RPS24: variants seen among roughly 807,000 people sequenced by gnomAD.
RPS24 encodes the protein small ribosomal subunit protein eS24.
For missense variants in RPS24, 100 were observed against 162.5 expected (o/e 0.62, Z 2.09); for synonymous variants, 72 against 55.6 (o/e 1.30, Z -1.31).
chr10:78,036,545 C>G (rs1847872336), intron 3 of RPS24: 1 of 153,536 alleles, frequency 6.5e-6, no homozygotes, highest in African/African-American at 2.4e-5. Flanking sequence ...ACCTCGTAAT[C>G]CGCCCACCTC....
At chr10:78,034,888 C>A (rs555432935) in intron 1 of RPS24, among the ~76,000 whole-genome samples, 1 of 152,320 alleles carries the variant, frequency 6.6e-6, no homozygotes, top group South Asian at 2.1e-4. Context: ...GATTCTCAAC[C>A]CGGAGTGATT....
chr10:78,045,165 TGTA>T (rs1168208464), downstream of RPS24, among the ~76,000 whole-genome samples: 5 of 152,066 alleles, frequency 3.3e-5, no homozygotes, highest in Non-Finnish European at 5.9e-5. Flanking sequence ...TTTTGTATTT[TGTA>T]GTAGAGACGG....
chr10:78,040,281 G>C (rs1049297530), intron 5 of RPS24, 56 bp downstream of exon 5: 2 of 1,437,660 alleles, frequency 1.4e-6, no homozygotes, highest in East Asian at 2.3e-5. Flanking sequence ...TTGGTGTACT[G>C]ACGTAGCAAT....
At chr10:78,036,424 G>A (rs985831089) in intron 3 of RPS24, 9 of 153,976 alleles carry the variant, frequency 5.8e-5, no homozygotes, top group Non-Finnish European at 1.2e-4. Flanking sequence ...TTCTGCCTGA[G>A]CTTCCTGAGT....
chr10:78,034,127 G>A (rs1043509618), intron 1 of RPS24: 30 of 628,068 alleles, frequency 4.8e-5, no homozygotes, highest in Non-Finnish European at 8.0e-5. Flanking sequence ...TCCAGCGCCT[G>A]GGCAGTGCAG....
chr10:78,037,844 T>C (rs1171274300), intron 4 of RPS24: 10 of 632,418 alleles, frequency 1.6e-5, no homozygotes, highest in Non-Finnish European at 2.1e-5. Context: ...TTGTAAATCA[T>C]TGAATAGAAT....
At chr10:78,052,748 C>G (rs1445566051) in intron 4 of RPS24, among the ~76,000 whole-genome samples, 1 of 152,106 alleles carries the variant, frequency 6.6e-6, no homozygotes, top group Non-Finnish European at 1.5e-5. Flanking sequence ...GAGAGAGAGA[C>G]GTACCCTTGG....
intron 1 of RPS24, 92 bp downstream of exon 1, chr10:78,033,996 G>A (rs999889956): frequency 1.3e-6 from 2 of 1,510,508 alleles, no homozygotes; most frequent in African/African-American, 1.4e-5. Flanking sequence ...GGCACGCGAA[G>A]CCCGGTTGCT....
chr10:78,046,969 G>C (rs1419420715), intron 4 of RPS24, among the ~76,000 whole-genome samples: 1 of 151,822 alleles, frequency 6.6e-6, no homozygotes, highest in African/African-American at 2.4e-5. Flanking sequence ...GCTGTGGGTG[G>C]GGCCAGGTAA....
chr10:78,037,376 T>G, intron 4 of RPS24, 72 bp downstream of exon 4: 3 of 1,511,562 alleles, frequency 2.0e-6, no homozygotes, highest in Non-Finnish European at 1.8e-6. Context: ...AGAAGGGATC[T>G]TATTAATTTT....
At chr10:78,034,873 G>A (rs140346235) in intron 1 of RPS24, among the ~76,000 whole-genome samples, 1 of 152,212 alleles carries the variant, frequency 6.6e-6, no homozygotes, top group Non-Finnish European at 1.5e-5. Context: ...TTACCCCAGA[G>A]AAGTGATTCT....
At chr10:78,035,827 C>G in intron 3 of RPS24, 107 bp downstream of exon 3, 1 of 904,994 alleles carries the variant, frequency 1.1e-6, no homozygotes, top group Non-Finnish European at 1.8e-6. Flanking sequence ...TGGGATACAA[C>G]TCTGAAAGGA....
intron 4 of RPS24, 90 bp downstream of exon 4, chr10:78,037,394 ACTTTT>A: frequency 1.3e-6 from 2 of 1,499,058 alleles, no homozygotes; most frequent in Non-Finnish European, 1.8e-6. Flanking sequence ...TTTTAAAATA[ACTTTT>A]CTTAATGTTT....
chr10:78,037,902 CTTT>C (rs55902139), intron 4 of RPS24: 8,082 of 375,626 alleles, frequency 0.022, no homozygotes, highest in East Asian at 0.043. Flanking sequence ...GTTCTGTGAA[CTTT>C]TTTTTTTTTT....
intron 4 of RPS24, among the ~76,000 whole-genome samples, chr10:78,047,810 C>T (rs938231625): frequency 7.9e-5 from 12 of 152,236 alleles, no homozygotes; most frequent in Admixed American, 7.8e-4. Flanking sequence ...CTGGGAACCC[C>T]AGCAGCCCGA....
intron 3 of RPS24, 126 bp from the exon 4 acceptor site, chr10:78,037,068 A>T: frequency 9.0e-7 from 1 of 1,113,488 alleles, no homozygotes; most frequent in Non-Finnish European, 1.3e-6. Context: ...CATTAAATGT[A>T]CTTGAAAAGT....
intron 4 of RPS24, among the ~76,000 whole-genome samples, chr10:78,053,895 T>C (rs1274648704): frequency 6.6e-6 from 1 of 152,080 alleles, no homozygotes; most frequent in Non-Finnish European, 1.5e-5. Flanking sequence ...GAGACCAACA[T>C]GTCTACCACG....
rs1427026359 is a variant in RPS24 at position 78,033,890 on chromosome 10, T to G, written c.-12T>G. On this transcript the variant is annotated 5_prime_UTR_variant, in exon 1 of 6. Coordinates refer to ENST00000372360, the MANE Select transcript of RPS24 (RefSeq NM_033022.4). ...CTTTTCCTCCTTGGCTGTCTGAAGA[T>G]AGATCGCCATCATGGTGAGTCTCCC... 6.2e-7 allele frequency: 1 copy of G among 1,614,094 alleles called. No individual in the cohort carries two copies. The highest frequency in any genetic ancestry group is 1.7e-5 in the Admixed American group (1 of 60,024).
At chr10:78,053,375 C>T (rs768952078) in intron 4 of RPS24, among the ~76,000 whole-genome samples, 1 of 151,934 alleles carries the variant, frequency 6.6e-6, no homozygotes, top group Non-Finnish European at 1.5e-5. Context: ...ATGCCCAGAG[C>T]CTGTATGTCA....
Sources: gnomAD v4.1 joint callset for allele counts (sites outside exome capture counted in the v4.1 genomes callset) on GRCh38, gnomAD v4.1.1 for gene constraint, MANE v1.5 for transcripts, NCBI Gene and HGNC (gene_info 2026-07-23, HGNC 2026-07-21) for gene names.